LRPPRC: variants seen among roughly 807,000 people sequenced by gnomAD.
LRPPRC encodes leucine rich pentatricopeptide repeat containing.
In LRPPRC, 120 loss-of-function variants were observed where a neutral mutation model predicts 180.3. The ratio of observed to expected loss-of-function variants is 0.67; its 90% CI spans 0.57 to 0.77. LRPPRC has a LOEUF of 0.77. Ranked by LOEUF, LRPPRC falls within the 30% of genes least tolerant of loss-of-function variation. The pLI is 0.00. For missense variants in LRPPRC, 2,012 were observed against 1,657.2 expected, an observed-to-expected ratio of 1.21 and a Z score of -3.72; for synonymous variants, 723 against 600.0, an observed-to-expected ratio of 1.21 and a Z score of -3.00.
At chr2:43,992,816 C>T (rs940978048) in intron 1 of LRPPRC, among the ~76,000 whole-genome samples, 1 of 151,960 alleles carries the variant, frequency 6.6e-6, no homozygotes, top group Non-Finnish European at 1.5e-5. Flanking sequence ...AGGAGGGGTC[C>T]AATTTGAGCT....
intron 13 of LRPPRC, among the ~76,000 whole-genome samples, chr2:43,957,859 C>A (rs1320965538): frequency 6.6e-6 from 1 of 152,124 alleles, no homozygotes; most frequent in East Asian, 1.9e-4. Context: ...AGGAAAAATT[C>A]TTTTCTCGGA....
At chr2:43,902,519 C>CA (rs1278275535) in intron 31 of LRPPRC, 1 of 151,924 alleles carries the variant, frequency 6.6e-6, no homozygotes, top group Admixed American at 6.6e-5. Flanking sequence ...GAAGTGTACT[C>CA]AAAATACAGT....
chr2:43,916,575 G>T (rs1387468674), intron 29 of LRPPRC, among the ~76,000 whole-genome samples: 1 of 152,084 alleles, frequency 6.6e-6, no homozygotes. Flanking sequence ...GCCACAAAAA[G>T]TTATTTTCAA....
intron 14 of LRPPRC, among the ~76,000 whole-genome samples, chr2:43,951,309 A>G (rs1672893571): frequency 6.6e-6 from 1 of 152,214 alleles, no homozygotes. Flanking sequence ...GGCTACAAAG[A>G]GCTTTAATTC....
chr2:43,948,436 T>C lies in LRPPRC; in HGVS notation c.1818A>G (p.Gln606=), dbSNP rs1183669985. 6 of 1,611,964 alleles carry C rather than the reference T, an allele frequency of 3.7e-6. No homozygotes were observed. Among genetic ancestry groups the C allele is most frequent in the South Asian group, 1.1e-5 (1 of 91,026 alleles). Residue 606 remains glutamine (Q), a synonymous_variant, in exon 17 of 38, where the codon CAA becomes CAG. Transcript: ENST00000260665. The part of the protein sequence containing the change: ...EVQAKEEHLR[Q]YFHQLEKMNV... ...CCATCTTCTCCAGCTGATGGAAGTA[T>C]TGTCTCAAATGCTCCTCCTTGGCCT...
At chr2:43,908,615 G>A (rs765955148) in intron 30 of LRPPRC, among the ~76,000 whole-genome samples, 30 of 130,710 alleles carry the variant, frequency 2.3e-4, no homozygotes, top group Non-Finnish European at 3.3e-4. Flanking sequence ...TCCGCCTCCC[G>A]GGTTCAAGCC....
intron 11 of LRPPRC, among the ~76,000 whole-genome samples, chr2:43,971,273 C>G (rs1332079044): frequency 6.6e-6 from 1 of 151,518 alleles, no homozygotes; most frequent in Non-Finnish European, 1.5e-5. Context: ...TCCTGAAAGT[C>G]AGGCCAACTG....
chr2:43,939,055 G>A (rs1431269240), intron 23 of LRPPRC, among the ~76,000 whole-genome samples: 5 of 151,022 alleles, frequency 3.3e-5, no homozygotes, highest in Non-Finnish European at 7.4e-5. Flanking sequence ...GGTGGATCAC[G>A]CGGTCAGGAG....
At chr2:43,929,486 T>C (rs1672008209) in intron 25 of LRPPRC, among the ~76,000 whole-genome samples, 1 of 152,216 alleles carries the variant, frequency 6.6e-6, no homozygotes, top group African/African-American at 2.4e-5. Flanking sequence ...AGAATCTGCC[T>C]ATATTTTAAG....
At chr2:43,944,046 T>A (rs1572950455) in intron 22 of LRPPRC, 152 bp from the exon 23 acceptor site, 2 of 666,552 alleles carry the variant, frequency 3.0e-6, no homozygotes, top group Non-Finnish European at 5.4e-6. Context: ...TAAACGAGAC[T>A]ACAATTATAA....
intron 29 of LRPPRC, among the ~76,000 whole-genome samples, chr2:43,917,347 C>G (rs1464501121): frequency 6.6e-6 from 1 of 151,792 alleles, no homozygotes; most frequent in Non-Finnish European, 1.5e-5. Context: ...CAATGCCCGG[C>G]CTGCTTCGTT....
intron 16 of LRPPRC, 99 bp from the exon 17 acceptor site, chr2:43,948,617 C>A: frequency 1.4e-6 from 1 of 733,968 alleles, no homozygotes; most frequent in Non-Finnish European, 2.5e-6. Flanking sequence ...TGAGATGTCA[C>A]CCTGATGAGA....
chr2:43,972,781 T>C (rs995220827), intron 11 of LRPPRC, among the ~76,000 whole-genome samples: 1 of 152,228 alleles, frequency 6.6e-6, no homozygotes, highest in Non-Finnish European at 1.5e-5. Flanking sequence ...CTTTTTTTGT[T>C]GTTTGTGCAT....
intron 26 of LRPPRC, among the ~76,000 whole-genome samples, chr2:43,925,400 T>G (rs1671839635): frequency 2.0e-5 from 3 of 152,170 alleles, no homozygotes; most frequent in African/African-American, 7.2e-5. Flanking sequence ...TAAAAAAATT[T>G]GGAGTCAAGA....
rs770890471 is a variant in LRPPRC at position 43,974,636 on chromosome 2, T to C, written c.987A>G (p.Thr329=). The C allele has an allele frequency of 6.9e-6, 11 of 1,599,470 alleles. No individual in the cohort carries two copies. Among genetic ancestry groups the C allele is most frequent in the African/African-American group, 1.3e-5 (1 of 74,644 alleles). The change falls in exon 8 of 38, where the codon ACA becomes ACG. Residue 329 remains threonine, a synonymous_variant. Coordinates refer to ENST00000260665, the MANE Select transcript of LRPPRC (RefSeq NM_133259.4). ...QYVSEILEKV[T]CERRYIPDAM... Reference sequence around the variant, plus strand: ...TACCTGGAATATATCTTCTTTCACATGTAACTTTTTCCAAAATTTCTGAGA... The same window carrying C: ...TACCTGGAATATATCTTCTTTCACACGTAACTTTTTCCAAAATTTCTGAGA...
chr2:43,901,285 ACC>A (rs1670873246), intron 32 of LRPPRC, 33 bp downstream of exon 32: 1 of 1,558,188 alleles, frequency 6.4e-7, no homozygotes. Context: ...CATTCTAGTG[ACC>A]AATGAAGGAA....
chr2:43,952,149 C>T (rs923766089), intron 14 of LRPPRC, among the ~76,000 whole-genome samples: 1 of 151,840 alleles, frequency 6.6e-6, no homozygotes, highest in Admixed American at 6.6e-5. Context: ...GCCAAGATCG[C>T]GCCACTGCAC....
In LRPPRC at chr2:43,888,713, T is replaced by C. The variant is rs1670362818; in HGVS notation, c.4129-57A>G. On this transcript the variant is annotated intron_variant, in intron 37 of 37. Transcript: ENST00000260665. ...GATACCAGCAAGAGGTGATGGTACA[T>C]AACTTAAAAAATCATAAAACACTAC... 5.3e-6 allele frequency: 5 copies of C among 950,470 alleles called. No homozygotes were observed. In the South Asian group the frequency reaches 6.6e-5, roughly 13 times the overall value. 58.9% of individuals were successfully genotyped at this position (950,470 alleles called of 1,614,324 possible). A position where few individuals can be genotyped will look rare whatever the true frequency, so the allele number is the denominator to read the frequency against.
At chr2:43,993,610 G>C (rs1358857758) in intron 1 of LRPPRC, among the ~76,000 whole-genome samples, 1 of 151,962 alleles carries the variant, frequency 6.6e-6, no homozygotes, top group East Asian at 1.9e-4. Context: ...TCGGGTAGGA[G>C]ACTATATACA....
Sources: gnomAD v4.1 joint callset for allele counts (sites outside exome capture counted in the v4.1 genomes callset) on GRCh38, gnomAD v4.1.1 for gene constraint, MANE v1.5 for transcripts, NCBI Gene and HGNC (gene_info 2026-07-23, HGNC 2026-07-21) for gene names.